The following DLG2 variants were observed in gnomAD, a reference collection of about 807,000 sequenced individuals.
DLG2 encodes disks large homolog 2.
In DLG2, 45 loss-of-function variants were observed where a neutral mutation model predicts 132.5. That is an observed-to-expected ratio of 0.34 (90% CI 0.27 to 0.44). The LOEUF (loss-of-function observed/expected upper bound fraction) is 0.44. Ranked by LOEUF, DLG2 falls within the 20% of genes least tolerant of loss-of-function variation. The pLI, the probability that DLG2 is intolerant of heterozygous loss-of-function variation, is 1.00. For synonymous variants in DLG2, 424 were observed against 419.6 expected, an observed-to-expected ratio of 1.01 and a Z score of -0.13; for missense variants, 1,045 against 1,196.9, an observed-to-expected ratio of 0.87 and a Z score of 1.87.
chr11:84,612,901 G>A (rs1372056421), intron 6 of DLG2, among the ~76,000 whole-genome samples: 1 of 152,066 alleles, frequency 6.6e-6, no homozygotes, highest in African/African-American at 2.4e-5. Context: ...TTGAGTCCAG[G>A]TCCACCTCAC....
chr11:84,581,274 A>G (rs1453354622), intron 6 of DLG2, among the ~76,000 whole-genome samples: 1 of 152,222 alleles, frequency 6.6e-6, no homozygotes, highest in African/African-American at 2.4e-5. Context: ...TTGGAAGTCT[A>G]GTGGAGTCGG....
chr11:84,021,929 T>G (rs552226027), intron 11 of DLG2, among the ~76,000 whole-genome samples: 77 of 152,186 alleles, frequency 5.1e-4, no homozygotes, highest in Non-Finnish European at 1.0e-4. Flanking sequence ...GTATTTTTAG[T>G]AGAGACGGGG....
At chr11:83,840,208 T>C (rs1368158421) in intron 16 of DLG2, among the ~76,000 whole-genome samples, 1 of 152,190 alleles carries the variant, frequency 6.6e-6, no homozygotes, top group Admixed American at 6.5e-5. Context: ...CACACATGCA[T>C]CTATTGCAGC....
chr11:83,702,172 A>T (rs1306712087), intron 18 of DLG2, among the ~76,000 whole-genome samples: 1 of 152,072 alleles, frequency 6.6e-6, no homozygotes, highest in African/African-American at 2.4e-5. Flanking sequence ...TTTTCCCCTA[A>T]CATATCTTCT....
chr11:85,384,254 C>T (rs1025225064), intron 3 of DLG2, among the ~76,000 whole-genome samples: 1 of 152,088 alleles, frequency 6.6e-6, no homozygotes, highest in Admixed American at 6.6e-5. Flanking sequence ...GACAAAATTA[C>T]TTATTCAAGG....
intron 14 of DLG2, among the ~76,000 whole-genome samples, chr11:83,946,752 C>A (rs2154143777): frequency 6.6e-6 from 1 of 152,030 alleles, no homozygotes; most frequent in Non-Finnish European, 1.5e-5. Context: ...CGTGCACATA[C>A]ACATAATTTT....
intron 18 of DLG2, among the ~76,000 whole-genome samples, chr11:83,734,632 G>C (rs562842358): frequency 1.3e-5 from 2 of 152,128 alleles, no homozygotes; most frequent in Admixed American, 1.3e-4. Flanking sequence ...TTGTATTTTA[G>C]TAGAGATGGG....
intron 19 of DLG2, among the ~76,000 whole-genome samples, chr11:83,552,511 T>C (rs2096415515): frequency 6.6e-6 from 1 of 152,056 alleles, no homozygotes; most frequent in African/African-American, 2.4e-5. Context: ...CATAAAGAAG[T>C]TGGTGAATGG....
intron 3 of DLG2, among the ~76,000 whole-genome samples, chr11:85,386,651 T>C (rs1334330228): frequency 1.3e-5 from 2 of 152,098 alleles, no homozygotes; most frequent in Non-Finnish European, 2.9e-5. Context: ...CCCTGTATGA[T>C]TTACAGAATT....
At chr11:85,476,501 T>C (rs1330392708) in intron 3 of DLG2, among the ~76,000 whole-genome samples, 2 of 152,180 alleles carry the variant, frequency 1.3e-5, no homozygotes, top group East Asian at 1.9e-4. Context: ...ATTTTTTTAC[T>C]TTTTGCCTCT....
chr11:84,619,244 T>A (rs773707848), intron 6 of DLG2, among the ~76,000 whole-genome samples: 8 of 152,000 alleles, frequency 5.3e-5, no homozygotes, highest in Middle Eastern at 3.4e-3. Flanking sequence ...TTTAAAAAAA[T>A]TTTAAATAAC....
At chr11:85,064,879 CCTCT>C (rs907222539) in intron 6 of DLG2, among the ~76,000 whole-genome samples, 3 of 151,406 alleles carry the variant, frequency 2.0e-5, no homozygotes, top group Admixed American at 6.6e-5. Flanking sequence ...ACCCTTCCAG[CCTCT>C]CTCTCTTTCT....
chr11:84,195,288 T>C (rs1793036), intron 8 of DLG2, among the ~76,000 whole-genome samples: 142,884 of 152,288 alleles, frequency 0.94, 67,117 homozygotes, highest in African/African-American at 0.98. Context: ...CTCGGCCTCC[T>C]GAGTAGCTGG....
chr11:85,454,265 T>C (rs1266933995), intron 3 of DLG2, among the ~76,000 whole-genome samples: 2 of 152,000 alleles, frequency 1.3e-5, no homozygotes, highest in South Asian at 2.1e-4. Flanking sequence ...TATCTCATTG[T>C]GGTTTTGATT....
chr11:84,163,521 G>C lies in DLG2; in HGVS notation c.574-10C>G, dbSNP rs373190735. ...TTTCTGTCCCATTGACCTGTAAATA[G>C]GGAAAAAATAAGAAGAGAACTATTA... On this transcript the variant is annotated splice_polypyrimidine_tract_variant and intron_variant, in intron 8 of 27. Transcript: ENST00000376104. The C allele has an allele frequency of 2.5e-6, 4 of 1,597,674 alleles. No individual in the cohort carries two copies.
intron 6 of DLG2, among the ~76,000 whole-genome samples, chr11:84,944,014 A>G (rs1351316333): frequency 1.3e-5 from 2 of 152,130 alleles, no homozygotes; most frequent in Non-Finnish European, 2.9e-5. Flanking sequence ...CACTGTATAT[A>G]TTATTCTAGG....
rs184367962 is a variant in DLG2, at chr11:85,091,374, A to G, written c.357+20287T>C. Among the ~76,000 whole-genome samples the G allele has an allele frequency of 7.0e-4, 107 of 152,328 alleles. 2 individuals are homozygous for G. The highest frequency in any genetic ancestry group is 2.3e-3 in the African/African-American group (94 of 41,586). ...GACCTTTTTGCTAGTAGAAGGTCTC[A>G]CTTCAATGCTGATGGCTGCTGATTG... On this transcript the variant is annotated intron_variant, in intron 6 of 27. Coordinates refer to ENST00000376104, the MANE Select transcript of DLG2 (RefSeq NM_001142699.3).
intron 2 of DLG2, among the ~76,000 whole-genome samples, chr11:85,618,293 T>C (rs529958863): frequency 3.9e-5 from 6 of 152,146 alleles, no homozygotes; most frequent in African/African-American, 1.4e-4. Context: ...CTCTCCCTTA[T>C]ACTAAAAAAT....
chr11:85,130,640 C>A (rs2075621590), intron 5 of DLG2, among the ~76,000 whole-genome samples: 1 of 152,304 alleles, frequency 6.6e-6, no homozygotes, highest in East Asian at 1.9e-4. Context: ...TTGAAGACAG[C>A]ACCTTAGCCA....
Sources: allele counts gnomAD v4.1 joint callset (sites outside exome capture counted in the v4.1 genomes callset), GRCh38; gene constraint gnomAD v4.1.1; transcripts MANE v1.5; gene names NCBI Gene and HGNC (gene_info 2026-07-23, HGNC 2026-07-21).